PDE1A: variants seen among roughly 807,000 people sequenced by gnomAD.
PDE1A encodes phosphodiesterase 1A.
A neutral mutation model predicts 61.7 loss-of-function variants in PDE1A; 35 were observed. That is an observed-to-expected ratio of 0.57 (90% CI 0.43 to 0.75). The LOEUF (loss-of-function observed/expected upper bound fraction) is 0.75. PDE1A is among the 30% of genes least tolerant of loss of function. PDE1A has a pLI of 0.00. For missense variants in PDE1A, 597 were observed against 630.6 expected (o/e 0.95, Z 0.57); for synonymous variants, 232 against 213.2 (o/e 1.09, Z -0.77).
intron 13 of PDE1A, among the ~76,000 whole-genome samples, chr2:182,170,773 T>A (rs971598917): frequency 6.6e-6 from 1 of 151,970 alleles, no homozygotes; most frequent in African/African-American, 2.4e-5. Context: ...AACATAAAGA[T>A]GTAGTTAGTA....
At chr2:182,543,802 T>C in the PDE1A span, among the ~76,000 whole-genome samples, 1 of 152,184 alleles carries the variant, frequency 6.6e-6, no homozygotes, top group Non-Finnish European at 1.5e-5. Flanking sequence ...ATAATTTAAC[T>C]GAAATGCTCT....
At chr2:182,193,649 A>G (rs955239978) in intron 10 of PDE1A, among the ~76,000 whole-genome samples, 2 of 152,146 alleles carry the variant, frequency 1.3e-5, no homozygotes, top group African/African-American at 4.8e-5. Context: ...GAACGCCACG[A>G]AAAACATTTA....
intron 11 of PDE1A, 53 bp from the exon 12 acceptor site, chr2:182,186,641 C>T: frequency 2.0e-6 from 3 of 1,537,724 alleles, no homozygotes; most frequent in East Asian, 4.6e-5. Flanking sequence ...GTTACAATTT[C>T]CTGAATTCTG....
the PDE1A span, among the ~76,000 whole-genome samples, chr2:182,688,129 C>G: frequency 1.3e-5 from 2 of 152,124 alleles, no homozygotes; most frequent in Non-Finnish European, 2.9e-5. Context: ...GGAGAACTTC[C>G]CCAACCTAGC....
At chr2:182,585,145 A>C in the PDE1A span, among the ~76,000 whole-genome samples, 1 of 152,218 alleles carries the variant, frequency 6.6e-6, no homozygotes, top group Non-Finnish European at 1.5e-5. Flanking sequence ...TCTAACTCTC[A>C]TGTATATCCC....
At chr2:182,705,796 G>A in the PDE1A span, among the ~76,000 whole-genome samples, 1 of 152,112 alleles carries the variant, frequency 6.6e-6, no homozygotes, top group Admixed American at 6.5e-5. Flanking sequence ...CTACAGGCAT[G>A]AGCCACTGCA....
At position 182,498,667 on chromosome 2, in the gene PDE1A, G is replaced by A. The variant is rs13410842; in HGVS notation, c.101+23609C>T. On this transcript the variant is annotated intron_variant, in intron 2 of 14. Coordinates refer to the PDE1A transcript ENST00000410103. Reference sequence around the variant, plus strand: ...CCAGTATCAAAATTACCCTAAGGCCGGGCGCGGTAGCTGACACCTGTAATT... The same window carrying A: ...CCAGTATCAAAATTACCCTAAGGCCAGGCGCGGTAGCTGACACCTGTAATT... Among the ~76,000 whole-genome samples the A allele has an allele frequency of 4.5e-3, 687 of 152,240 alleles. 3 individuals carry two copies. The highest frequency in any genetic ancestry group is 0.015 in the African/African-American group (631 of 41,558).
chr2:182,162,342 T>C (rs1691429177), intron 13 of PDE1A, among the ~76,000 whole-genome samples: 1 of 152,194 alleles, frequency 6.6e-6, no homozygotes, highest in Non-Finnish European at 1.5e-5. Flanking sequence ...ATCTGACTTG[T>C]GTAGACCTCC....
chr2:182,660,561 G>T, the PDE1A span, among the ~76,000 whole-genome samples: 3 of 152,286 alleles, frequency 2.0e-5, no homozygotes, highest in Admixed American at 6.5e-5. Context: ...TACCTTAGTT[G>T]TTCTGACCTA....
intron 2 of PDE1A, among the ~76,000 whole-genome samples, chr2:182,253,673 G>C (rs1691569044): frequency 6.6e-6 from 1 of 152,094 alleles, no homozygotes; most frequent in Non-Finnish European, 1.5e-5. Flanking sequence ...CTGAGCCTGG[G>C]GCTGATGTTG....
chr2:182,527,093 T>A (rs1486666050), upstream of PDE1A, among the ~76,000 whole-genome samples: 1 of 131,370 alleles, frequency 7.6e-6, no homozygotes, highest in Non-Finnish European at 1.7e-5. Flanking sequence ...GTAAAAAGAA[T>A]TTTTTTAATT....
the PDE1A span, among the ~76,000 whole-genome samples, chr2:182,690,909 T>C: frequency 6.6e-6 from 1 of 152,174 alleles, no homozygotes; most frequent in Non-Finnish European, 1.5e-5. Context: ...AGCCAAATCA[T>C]GAGTGAACTC....
At chr2:182,280,563 C>A (rs1693735192) in intron 1 of PDE1A, among the ~76,000 whole-genome samples, 1 of 151,932 alleles carries the variant, frequency 6.6e-6, no homozygotes, top group Non-Finnish European at 1.5e-5. Flanking sequence ...AAAGAATTTT[C>A]TCTCAAAATG....
intron 10 of PDE1A, among the ~76,000 whole-genome samples, chr2:182,193,195 C>T (rs1292775404): frequency 6.6e-6 from 1 of 152,000 alleles, no homozygotes; most frequent in African/African-American, 2.4e-5. Context: ...ACCATATTGG[C>T]CAGGTTGGTC....
chr2:182,227,994 C>G (rs376008069), intron 6 of PDE1A, among the ~76,000 whole-genome samples: 1 of 152,102 alleles, frequency 6.6e-6, no homozygotes, highest in Non-Finnish European at 1.5e-5. Context: ...TTAGAGAGAA[C>G]GCAGTGCCAG....
the PDE1A span, among the ~76,000 whole-genome samples, chr2:182,609,256 G>A: frequency 2.6e-5 from 4 of 152,102 alleles, no homozygotes; most frequent in Admixed American, 2.0e-4. Context: ...CTGTCAAAAC[G>A]GACCAATCAG....
At chr2:182,230,587 C>T (rs541122139) in intron 5 of PDE1A, among the ~76,000 whole-genome samples, 3 of 152,082 alleles carry the variant, frequency 2.0e-5, no homozygotes, top group South Asian at 2.1e-4. Context: ...ACAATCTGCT[C>T]AGTAGTCTGT....
chr2:182,198,668 TTATGA>T (rs1225693143), intron 10 of PDE1A, among the ~76,000 whole-genome samples: 4 of 151,840 alleles, frequency 2.6e-5, no homozygotes, highest in East Asian at 1.9e-4. Flanking sequence ...CTGACTCAAG[TTATGA>T]TATGATATGC....
chr2:182,142,584 AG>A (rs1321307441), downstream of PDE1A: 1 of 152,200 alleles, frequency 6.6e-6, no homozygotes. Flanking sequence ...TATATTCCCC[AG>A]CACAACAAAA....
Sources: gnomAD v4.1 joint callset for allele counts (sites outside exome capture counted in the v4.1 genomes callset) on GRCh38, gnomAD v4.1.1 for gene constraint, MANE v1.5 for transcripts, NCBI Gene and HGNC (gene_info 2026-07-23, HGNC 2026-07-21) for gene names.